Variants in PRDM11 observed in about 807,000 individuals in gnomAD.
The protein encoded by PRDM11 is PR/SET domain 11.
In PRDM11, 20 loss-of-function variants were observed where a neutral mutation model predicts 97.8. The observed-to-expected ratio is 0.20, with a 90% confidence interval of 0.14 to 0.30. The LOEUF is 0.30. Ranked by LOEUF, PRDM11 falls within the 10% of genes least tolerant of loss-of-function variation. The probability of loss-of-function intolerance (pLI) is 1.00; values close to 1 mark genes in which losing one functional copy is unlikely to be tolerated. For missense variants in PRDM11, 1,139 were observed against 1,555.2 expected (o/e 0.73, Z 4.50); for synonymous variants, 599 against 637.7 (o/e 0.94, Z 0.91).
chr11:45,229,410 T>G lies in PRDM11; in HGVS notation c.*1251T>G, dbSNP rs888543248. 2.0e-5 allele frequency: 3 copies of G among 152,076 alleles called. No individual in the cohort carries two copies. Among genetic ancestry groups the G allele is most frequent in the African/African-American group, 7.3e-5 (3 of 41,368 alleles). 9.4% of individuals were successfully genotyped at this position (152,076 alleles called of 1,614,324 possible). Reference sequence around the variant, plus strand: ...CTTCCTTTTTTGAACAGGGTAGAGATGTCCTAAAGAAATGGAGAAAAGAAG... The same window carrying G: ...CTTCCTTTTTTGAACAGGGTAGAGAGGTCCTAAAGAAATGGAGAAAAGAAG... On this transcript the variant is annotated 3_prime_UTR_variant, in exon 8 of 8. Transcript: ENST00000683152.
At chr11:45,153,231 G>C (rs1851703803) in intron 1 of PRDM11, among the ~76,000 whole-genome samples, 2 of 152,232 alleles carry the variant, frequency 1.3e-5, no homozygotes, top group Non-Finnish European at 2.9e-5. Flanking sequence ...AAGTGCCTTA[G>C]GCTGGTCCCT....
intron 3 of PRDM11, 47 bp downstream of exon 3, chr11:45,182,396 C>G: frequency 6.6e-7 from 1 of 1,523,472 alleles, no homozygotes; most frequent in Non-Finnish European, 9.1e-7. Context: ...TCACCCCCAT[C>G]GCCCCATTCC....
At chr11:45,168,010 C>T (rs1231099238) in intron 1 of PRDM11, among the ~76,000 whole-genome samples, 1 of 152,228 alleles carries the variant, frequency 6.6e-6, no homozygotes, top group Non-Finnish European at 1.5e-5. Flanking sequence ...CAGGATTCTG[C>T]ATTTCAGACA....
At chr11:45,095,145 G>A (rs1213871829), upstream of PRDM11, among the ~76,000 whole-genome samples, 1 of 152,144 alleles carries the variant, frequency 6.6e-6, no homozygotes, top group Non-Finnish European at 1.5e-5. Flanking sequence ...ATAGGGAGCT[G>A]TCTGAAGCTG....
chr11:45,147,559 AC>A (rs953098379), intron 1 of PRDM11: 2 of 152,440 alleles, frequency 1.3e-5, no homozygotes, highest in Admixed American at 6.5e-5. Context: ...CGTAGCCTCC[AC>A]CCCCCACTCG....
At position 45,146,809 on chromosome 11, in the gene PRDM11, TCCGCCGAGCCGC is replaced by T. The variant is rs959359088; in HGVS notation, c.-68_-57del. The stretch of plus-strand genomic sequence containing the variant: ...GGCCGCCAGCCGAGGCCGCGCCGCC[TCCGCCGAGCCGC>T]CCGCCGGGCCGCTCTCGCCGCCCGG... On this transcript the variant is annotated 5_prime_UTR_variant, in exon 1 of 8. Coordinates refer to ENST00000683152, the MANE Select transcript of PRDM11 (RefSeq NM_001384648.1). 2 of 142,788 alleles carry T rather than the reference TCCGCCGAGCCGC, an allele frequency of 1.4e-5. No homozygotes were observed. Among genetic ancestry groups the T allele is most frequent in the Non-Finnish European group, 3.1e-5 (2 of 63,838 alleles). The allele number at this position is 142,788 out of a possible 1,614,324, so 8.8% of individuals were successfully genotyped here. A position where few individuals can be genotyped will look rare whatever the true frequency, so the allele number is the denominator to read the frequency against.
intron 1 of PRDM11, among the ~76,000 whole-genome samples, chr11:45,175,731 T>C (rs1852311769): frequency 1.3e-5 from 2 of 152,214 alleles, no homozygotes; most frequent in African/African-American, 4.8e-5. Flanking sequence ...TTTTGATACA[T>C]GTGCCAAATT....
chr11:45,101,337 C>T (rs1195447789), intron 1 of PRDM11, among the ~76,000 whole-genome samples: 1 of 152,232 alleles, frequency 6.6e-6, no homozygotes, highest in South Asian at 2.1e-4. Flanking sequence ...GTGGGCAGAT[C>T]ACGAGGTCAG....
intron 1 of PRDM11, among the ~76,000 whole-genome samples, chr11:45,121,108 C>T (rs887762124): frequency 5.3e-5 from 8 of 151,962 alleles, no homozygotes; most frequent in South Asian, 2.1e-4. Context: ...AATTAAAAAA[C>T]GAAGAATAGA....
At chr11:45,155,969 G>T (rs186223398) in intron 1 of PRDM11, among the ~76,000 whole-genome samples, 10 of 152,216 alleles carry the variant, frequency 6.6e-5, no homozygotes, top group African/African-American at 1.9e-4. Context: ...TAACATTGAG[G>T]CCCAGAGAAG....
intron 4 of PRDM11, among the ~76,000 whole-genome samples, chr11:45,202,611 T>C (rs1229468879): frequency 6.6e-6 from 1 of 152,190 alleles, no homozygotes; most frequent in Non-Finnish European, 1.5e-5. Flanking sequence ...GAAAAGTCCT[T>C]GTGTCATAAA....
At chr11:45,225,922 T>A (rs1854263420) in intron 7 of PRDM11, 73 bp from the exon 8 acceptor site, 2 of 1,426,398 alleles carry the variant, frequency 1.4e-6, no homozygotes, top group African/African-American at 2.9e-5. Context: ...CTTCCAGGAG[T>A]GTTTCCTGTG....
intron 1 of PRDM11, among the ~76,000 whole-genome samples, chr11:45,110,502 A>G (rs1227056017): frequency 6.6e-6 from 1 of 152,234 alleles, no homozygotes; most frequent in Admixed American, 6.5e-5. Flanking sequence ...ATACCCTGAA[A>G]GCAACATGCA....
chr11:45,166,579 C>G lies in PRDM11; in HGVS notation c.-6-15182C>G, dbSNP rs569887396. On this transcript the variant is annotated intron_variant, in intron 1 of 7. Coordinates refer to ENST00000683152, the MANE Select transcript of PRDM11 (RefSeq NM_001384648.1). ...GCAGGCAAATGCATAAATATTCTAACTGGGCTGCAAGCCCCCTGAGGGTGG... is the reference window on the plus strand; with the variant it reads ...GCAGGCAAATGCATAAATATTCTAAGTGGGCTGCAAGCCCCCTGAGGGTGG... Among the ~76,000 whole-genome samples the G allele has an allele frequency of 1.6e-4, 25 of 152,376 alleles. No individual in the cohort carries two copies. The East Asian group carries it at 4.6e-3, about 28-fold the overall frequency.
In PRDM11 at chr11:45,224,071, T is replaced by C. The variant is rs563822378; in HGVS notation, c.743-146T>C. The C allele has an allele frequency of 3.3e-4, 301 of 913,906 alleles. No individual in the cohort carries two copies. In the African/African-American group the frequency reaches 4.2e-3, roughly 13 times the overall value. The allele number at this position is 913,906 out of a possible 1,614,324, so 56.6% of individuals were successfully genotyped here. ...CTCTGATGGACCACTGAGTGATTCG[T>C]ATCTCCCCTTTGCAACACTTGCCCC... On this transcript the variant is annotated intron_variant, in intron 6 of 7. Transcript: ENST00000683152.
intron 1 of PRDM11, among the ~76,000 whole-genome samples, chr11:45,137,658 G>A (rs1221477846): frequency 6.6e-6 from 1 of 152,168 alleles, no homozygotes; most frequent in Admixed American, 6.5e-5. Context: ...TGAGATGGGA[G>A]GACTGCTTGA....
intron 1 of PRDM11, among the ~76,000 whole-genome samples, chr11:45,098,732 G>C (rs1487338361): frequency 6.6e-6 from 1 of 152,176 alleles, no homozygotes; most frequent in Non-Finnish European, 1.5e-5. Context: ...TATTTTCCCA[G>C]GTGAGGAAGT....
intron 1 of PRDM11, among the ~76,000 whole-genome samples, chr11:45,173,282 A>G (rs922750929): frequency 1.3e-5 from 2 of 152,102 alleles, no homozygotes; most frequent in Non-Finnish European, 2.9e-5. Context: ...GAGGTAACGG[A>G]TACCATAGAA....
intron 1 of PRDM11, among the ~76,000 whole-genome samples, chr11:45,155,228 C>G (rs1435780808): frequency 6.6e-6 from 1 of 152,228 alleles, no homozygotes; most frequent in Admixed American, 6.5e-5. Context: ...CTCACTTTCC[C>G]CAAGGGAAAG....
Sources: gnomAD v4.1 joint callset for allele counts (sites outside exome capture counted in the v4.1 genomes callset) on GRCh38, gnomAD v4.1.1 for gene constraint, MANE v1.5 for transcripts, NCBI Gene and HGNC (gene_info 2026-07-23, HGNC 2026-07-21) for gene names.